The following AP3B2 variants were observed in gnomAD, a reference collection of about 807,000 sequenced individuals.
AP3B2 encodes the protein AP-3 complex subunit beta-2.
AP3B2 carries 50 observed loss-of-function variants against 126.9 expected under a neutral mutation model. The ratio of observed to expected loss-of-function variants is 0.39; its 90% CI spans 0.31 to 0.50. AP3B2 has a LOEUF of 0.50. AP3B2 is among the 20% of genes least tolerant of loss of function. The pLI is 0.79. For synonymous variants in AP3B2, 541 were observed against 565.0 expected, an observed-to-expected ratio of 0.96 and a Z score of 0.60; for missense variants, 1,177 against 1,426.4, an observed-to-expected ratio of 0.83 and a Z score of 2.82.
At chr15:82,709,053 C>G (rs1201150601) in intron 1 of AP3B2, among the ~76,000 whole-genome samples, 10 of 152,112 alleles carry the variant, frequency 6.6e-5, no homozygotes, top group African/African-American at 2.2e-4. Context: ...GAAGGTGGAG[C>G]TGAACTACAG....
chr15:82,709,348 C>T (rs1052837061), intron 1 of AP3B2, among the ~76,000 whole-genome samples: 3 of 152,132 alleles, frequency 2.0e-5, no homozygotes, highest in African/African-American at 7.2e-5. Context: ...CGAAACTGAG[C>T]TGGCCCATCC....
chr15:82,661,912 G>A lies in AP3B2; in HGVS notation c.2929C>T (p.Arg977Ter), dbSNP rs2047958031. 1.2e-6 allele frequency: 2 copies of A among 1,613,602 alleles called. No individual in the cohort carries two copies. The highest frequency in any genetic ancestry group is 8.5e-7 in the Non-Finnish European group (1 of 1,179,812). The part of the protein sequence containing the change: ...AANFQLCTQT[R>*]QFYVSIQPPV... ...GGCTGAATGGAGACGTAGAACTGTC[G>A]GGTCTGGGTGCTGGGAGGGGTGGGA... Residue 977 changes from arginine (R) to a stop codon, truncating the protein, a stop_gained, in exon 25 of 27, where the codon CGA (arginine) becomes TGA (stop). Transcript: ENST00000535359. LOFTEE classifies it high-confidence loss of function.
At chr15:82,676,659 G>A (rs761563722) in intron 13 of AP3B2, 22 bp from the exon 14 acceptor site, 1 of 1,612,338 alleles carries the variant, frequency 6.2e-7, no homozygotes, top group South Asian at 1.1e-5. Context: ...GGAGAGGAGT[G>A]AAGATGGGTA....
intron 25 of AP3B2, 47 bp downstream of exon 25, chr15:82,661,778 G>C (rs2047953999): frequency 2.0e-6 from 3 of 1,490,904 alleles, no homozygotes; most frequent in Non-Finnish European, 2.8e-6. Context: ...ACATTCTGGA[G>C]TCAGCTTCTA....
At chr15:82,688,118 A>G in intron 4 of AP3B2, 2 of 270,292 alleles carry the variant, frequency 7.4e-6, no homozygotes, top group Admixed American at 4.8e-5. Flanking sequence ...ATAAATAAAT[A>G]AATAAAGGTA....
At chr15:82,673,186 A>C (rs955871158) in intron 14 of AP3B2, among the ~76,000 whole-genome samples, 2 of 152,224 alleles carry the variant, frequency 1.3e-5, no homozygotes, top group Admixed American at 6.5e-5. Context: ...AAAATGTGAA[A>C]GTAGAAAAAA....
intron 1 of AP3B2, among the ~76,000 whole-genome samples, chr15:82,703,948 C>T (rs986457096): frequency 6.6e-6 from 1 of 152,140 alleles, no homozygotes; most frequent in Admixed American, 6.5e-5. Flanking sequence ...TCTGCTCCTC[C>T]ACCCTATAAT....
chr15:82,698,558 T>G (rs927867110), intron 1 of AP3B2, among the ~76,000 whole-genome samples: 2 of 151,864 alleles, frequency 1.3e-5, no homozygotes, highest in African/African-American at 4.8e-5. Flanking sequence ...GCCTCTCCAG[T>G]CTCATTCACC....
In AP3B2 at chr15:82,703,039, T is replaced by C. The variant is rs979751176; in HGVS notation, c.113+6555A>G. Among the ~76,000 whole-genome samples, 14 of 152,280 alleles carry C rather than the reference T, an allele frequency of 9.2e-5. No homozygotes were observed. The Middle Eastern group carries it at 0.01, about 111-fold the overall frequency. On this transcript the variant is annotated intron_variant, in intron 1 of 26. Coordinates refer to ENST00000535359, the MANE Select transcript of AP3B2 (RefSeq NM_001278512.2). ...CTCCCTTCTCTTAATTTCGGTTCCT[T>C]TCCTTTTCTGGTAGAGACAGGAAAT...
At chr15:82,702,798 G>A (rs905816719) in intron 1 of AP3B2, among the ~76,000 whole-genome samples, 1 of 152,098 alleles carries the variant, frequency 6.6e-6, no homozygotes, top group Non-Finnish European at 1.5e-5. Flanking sequence ...GACTCGGATC[G>A]GGGGACCACC....
chr15:82,671,921 G>A (rs2048165780), intron 14 of AP3B2, among the ~76,000 whole-genome samples: 1 of 152,016 alleles, frequency 6.6e-6, no homozygotes, highest in Non-Finnish European at 1.5e-5. Flanking sequence ...GCGGGCGCCT[G>A]TAATCCCAGC....
chr15:82,673,837 C>T (rs1053207590), intron 14 of AP3B2, among the ~76,000 whole-genome samples: 3 of 152,182 alleles, frequency 2.0e-5, no homozygotes, highest in African/African-American at 7.2e-5. Flanking sequence ...TCAGAATCTT[C>T]TATTCACTGT....
chr15:82,704,286 A>T (rs949455843), intron 1 of AP3B2, among the ~76,000 whole-genome samples: 1 of 152,218 alleles, frequency 6.6e-6, no homozygotes, highest in East Asian at 1.9e-4. Context: ...AACATTAAAT[A>T]AAACTCCAAA....
At chr15:82,678,888 C>T (rs2048285524) in intron 10 of AP3B2, among the ~76,000 whole-genome samples, 1 of 152,162 alleles carries the variant, frequency 6.6e-6, no homozygotes, top group Non-Finnish European at 1.5e-5. Context: ...AGTGGATGTT[C>T]ACAAGGGTTA....
chr15:82,662,999 T>C (rs2047981126), intron 22 of AP3B2, 77 bp from the exon 23 acceptor site: 1 of 1,531,316 alleles, frequency 6.5e-7, no homozygotes, highest in Non-Finnish European at 8.9e-7. Flanking sequence ...CCTAGGGCCA[T>C]CCAGCAGCTG....
rs564405920 is a variant in AP3B2 at position 82,664,879 on chromosome 15, G to C, written c.2093C>G (p.Ser698Trp). 1 of 1,605,372 alleles carries C rather than the reference G, an allele frequency of 6.2e-7. No homozygotes were observed. The highest frequency in any genetic ancestry group is 8.5e-7 in the Non-Finnish European group (1 of 1,176,042). The change falls in exon 18 of 27, where the codon TCG (serine) becomes TGG (tryptophan). Residue 698 changes from serine to tryptophan, a missense_variant. By Grantham distance (177) the Ser-to-Trp change is radical. Transcript: ENST00000535359. The surrounding 1 kb of genome is among the most constrained non-coding windows in gnomAD (Gnocchi z 4.5). ...KRKEKEKPFY[S>W]DSEGESGPTE... Reference sequence around the variant, plus strand: ...GGGGCCTGACTCCCCCTCAGAGTCCGAGTAGAAGGGTTTTTCCTTCTCCTT... The same window carrying C: ...GGGGCCTGACTCCCCCTCAGAGTCCCAGTAGAAGGGTTTTTCCTTCTCCTT...
chr15:82,677,507 AG>A, intron 12 of AP3B2, 124 bp from the exon 13 acceptor site: 1 of 1,355,122 alleles, frequency 7.4e-7, no homozygotes, highest in Non-Finnish European at 1.0e-6. Flanking sequence ...GTTCTCTAGC[AG>A]CCCTCAGAGG....
In AP3B2 at chr15:82,677,729, G is replaced by T. The variant is rs746195919; in HGVS notation, c.1320C>A (p.Ile440=). ...IQAIGRCATN[I]GRVRDTCLNG... is the part of the protein sequence containing the mutation. ...TGAGGCAGGTGTCACGGACTCGGCCGATGTTAGTTGCACAGCGTCCAATGG... is the reference window on the plus strand; with the variant it reads ...TGAGGCAGGTGTCACGGACTCGGCCTATGTTAGTTGCACAGCGTCCAATGG... The change falls in exon 12 of 27, where the codon ATC becomes ATA. Residue 440 remains isoleucine, a synonymous_variant. Transcript: ENST00000535359. 1.2e-6 allele frequency: 2 copies of T among 1,609,606 alleles called. No individual in the cohort carries two copies. Among genetic ancestry groups the T allele is most frequent in the South Asian group, 2.2e-5 (2 of 89,862 alleles).
intron 9 of AP3B2, 94 bp from the exon 10 acceptor site, chr15:82,679,894 G>A (rs1596181248): frequency 8.5e-7 from 1 of 1,181,590 alleles, no homozygotes; most frequent in East Asian, 2.4e-5. Context: ...CAGCGCCCAG[G>A]ATCCTTGCCT....
Sources: allele counts gnomAD v4.1 joint callset (sites outside exome capture counted in the v4.1 genomes callset), GRCh38; gene constraint gnomAD v4.1.1; non-coding constraint Gnocchi (gnomAD v3.1); transcripts MANE v1.5; gene names NCBI Gene and HGNC (gene_info 2026-07-23, HGNC 2026-07-21).